Variants in PIK3R6 observed in about 807,000 individuals in gnomAD.
The protein encoded by PIK3R6 is phosphoinositide 3-kinase regulatory subunit 6.
In PIK3R6, 91 loss-of-function variants were observed where a neutral mutation model predicts 84.9. The ratio of observed to expected loss-of-function variants is 1.07; its 90% CI spans 0.90 to 1.28. PIK3R6 has a LOEUF of 1.28. Ranked by LOEUF, PIK3R6 falls within the 50% of genes most tolerant of loss-of-function variation. PIK3R6 has a pLI of 0.00. For synonymous variants in PIK3R6, 416 were observed against 411.4 expected (o/e 1.01, Z -0.13); for missense variants, 996 against 985.1 (o/e 1.01, Z -0.15).
intron 18 of PIK3R6, among the ~76,000 whole-genome samples, chr17:8,813,866 G>A (rs1046985934): frequency 2.0e-5 from 3 of 152,192 alleles, no homozygotes; most frequent in East Asian, 1.9e-4. Context: ...GATGCCCACC[G>A]TCACTACTCC....
Position 8,822,570 on chromosome 17 carries a change from C to A in PIK3R6, c.1788+17G>T. ...GTACCTCTTGGCTACCTACTGACCACGTCCATGCACACTGACCTTCTGGTA... is the reference window on the plus strand; with the variant it reads ...GTACCTCTTGGCTACCTACTGACCAAGTCCATGCACACTGACCTTCTGGTA... On this transcript the variant is annotated intron_variant, in intron 16 of 19. Coordinates refer to ENST00000619866, the MANE Select transcript of PIK3R6 (RefSeq NM_001010855.4). 6.2e-7 allele frequency: 1 copy of A among 1,613,642 alleles called. No homozygotes were observed. Among genetic ancestry groups the A allele is most frequent in the Non-Finnish European group, 8.5e-7 (1 of 1,179,564 alleles).
rs141897612 is a variant in PIK3R6, at chr17:8,844,763, T to C, written c.13+5019A>G. Among the ~76,000 whole-genome samples the C allele has an allele frequency of 1.3e-3, 202 of 152,216 alleles. 1 individual carries two copies. The East Asian group carries it at 0.028, about 21-fold the overall frequency. ...TGAGTACTGTTACTAATAATAGTAC[T>C]ACTCATATGAGTAGTACTAGTACCC... On this transcript the variant is annotated intron_variant, in intron 2 of 19. Transcript: ENST00000619866. This position sits in a 1 kb window ranked among gnomAD's most constrained non-coding sequence, Gnocchi z 4.5.
intron 18 of PIK3R6, among the ~76,000 whole-genome samples, chr17:8,814,289 G>A (rs557003361): frequency 9.1e-5 from 13 of 142,930 alleles, no homozygotes; most frequent in South Asian, 6.7e-4. Context: ...GCGTGATCTC[G>A]GCTCACTGCA....
At position 8,836,595 on chromosome 17, in the gene PIK3R6, A is replaced by G. The variant is rs2088475534; in HGVS notation, c.413T>C (p.Val138Ala). The G allele has an allele frequency of 6.2e-7, 1 of 1,613,882 alleles. No individual in the cohort carries two copies. Residue 138 changes from valine (V) to alanine (A), a missense_variant, in exon 7 of 20, where the codon GTC becomes GCC. Val to Ala is a moderately conservative substitution (Grantham distance 64). Transcript: ENST00000619866. The part of the protein sequence containing the change: ...AVPGTLYQRM[V>A]IAEQNLTNEL... ...ATTCGTCAAGTTCTGTTCGGCAATG[A>G]CCATCCTTTGGTACAGTGTCCCTGC... is the stretch of plus-strand genomic sequence containing the variant.
intron 18 of PIK3R6, among the ~76,000 whole-genome samples, chr17:8,808,722 T>C (rs988525305): frequency 6.6e-6 from 1 of 152,124 alleles, no homozygotes; most frequent in African/African-American, 2.4e-5. Context: ...ACTAAATCCT[T>C]GTGAGTTTGA....
chr17:8,829,690 C>A lies in PIK3R6; in HGVS notation c.889+16G>T. On this transcript the variant is annotated intron_variant, in intron 10 of 19. Coordinates refer to ENST00000619866, the MANE Select transcript of PIK3R6 (RefSeq NM_001010855.4). ...GACATATACCACTGTTTCCAGACAGCTCCATGGGCACGTACAGAGCTGCTC... is the reference window on the plus strand; with the variant it reads ...GACATATACCACTGTTTCCAGACAGATCCATGGGCACGTACAGAGCTGCTC... The A allele has an allele frequency of 6.5e-7, 1 of 1,549,970 alleles. No individual in the cohort carries two copies. Among genetic ancestry groups the A allele is most frequent in the Non-Finnish European group, 8.7e-7 (1 of 1,145,664 alleles).
intron 10 of PIK3R6, 100 bp from the exon 11 acceptor site, chr17:8,829,090 CACAG>C (rs763816339): frequency 9.1e-5 from 102 of 1,119,818 alleles, no homozygotes; most frequent in African/African-American, 8.5e-4. Context: ...CACACAGAAA[CACAG>C]ACAGACACAT....
At chr17:8,856,495 G>C (rs1312439257) in intron 1 of PIK3R6, among the ~76,000 whole-genome samples, 4 of 152,180 alleles carry the variant, frequency 2.6e-5, no homozygotes, top group African/African-American at 9.7e-5. Flanking sequence ...CCAGCTACCC[G>C]GGAGGCTGAA....
At chr17:8,843,075 C>T (rs1053111345) in intron 2 of PIK3R6, among the ~76,000 whole-genome samples, 1 of 152,174 alleles carries the variant, frequency 6.6e-6, no homozygotes, top group Non-Finnish European at 1.5e-5. Context: ...CAGGATACTA[C>T]AGCCACATCT....
At chr17:8,829,574 A>G (rs2088145338) in intron 10 of PIK3R6, 132 bp downstream of exon 10, 2 of 963,290 alleles carry the variant, frequency 2.1e-6, no homozygotes, top group Non-Finnish European at 3.1e-6. Context: ...ACATACACAC[A>G]CAGACACACT....
chr17:8,822,722 C>A, intron 15 of PIK3R6, 65 bp from the exon 16 acceptor site: 1 of 1,508,962 alleles, frequency 6.6e-7, no homozygotes. Context: ...ACTTCCCCAC[C>A]TCTCTGAGGG....
rs149805071 is a variant in PIK3R6, at chr17:8,853,174, C to T, written c.-91-3289G>A. Reference sequence around the variant, plus strand: ...GAAGATACAATACCATTTACAATAGCTCCAAATTTTTTTTTTAAATAAATA... The same window carrying T: ...GAAGATACAATACCATTTACAATAGTTCCAAATTTTTTTTTTAAATAAATA... On this transcript the variant is annotated intron_variant, in intron 1 of 19. Coordinates refer to ENST00000619866, the MANE Select transcript of PIK3R6 (RefSeq NM_001010855.4). Among the ~76,000 whole-genome samples the T allele has an allele frequency of 6.6e-3, 941 of 142,544 alleles. 6 individuals are homozygous for T. The highest frequency in any genetic ancestry group is 0.022 in the African/African-American group (891 of 39,984). The allele number at this position is 142,544 out of a possible 152,430, so 93.5% of individuals were successfully genotyped here. A position where few individuals can be genotyped will look rare whatever the true frequency, so the allele number is the denominator to read the frequency against.
At chr17:8,843,095 G>C (rs576734660) in intron 2 of PIK3R6, among the ~76,000 whole-genome samples, 67 of 152,174 alleles carry the variant, frequency 4.4e-4, no homozygotes, top group African/African-American at 1.6e-3. Context: ...TGCCCACCTG[G>C]TCCCTCTGCT....
At chr17:8,849,428 A>C (rs2088889924) in intron 2 of PIK3R6, among the ~76,000 whole-genome samples, 2 of 152,228 alleles carry the variant, frequency 1.3e-5, no homozygotes, top group African/African-American at 2.4e-5. Flanking sequence ...GAGGTTAACC[A>C]AGACTAAATG....
In PIK3R6 at chr17:8,862,286, C is replaced by T. The variant is rs1041009565; in HGVS notation, c.-92+5243G>A. Reference sequence around the variant, plus strand: ...CCCCATTACCTGACACTGTTTATACCACATGGAAGGCCCTTGATAAATATG... The same window carrying T: ...CCCCATTACCTGACACTGTTTATACTACATGGAAGGCCCTTGATAAATATG... On this transcript the variant is annotated intron_variant, in intron 1 of 19. Coordinates refer to ENST00000619866, the MANE Select transcript of PIK3R6 (RefSeq NM_001010855.4). The surrounding 1 kb of genome is among the most constrained non-coding windows in gnomAD (Gnocchi z 4.3). Among the ~76,000 whole-genome samples, 7 of 152,148 alleles carry T rather than the reference C, an allele frequency of 4.6e-5. No individual in the cohort carries two copies. Among genetic ancestry groups the T allele is most frequent in the Non-Finnish European group, 1.0e-4 (7 of 68,034 alleles).
chr17:8,843,086 G>T (rs944821314), intron 2 of PIK3R6, among the ~76,000 whole-genome samples: 1 of 152,106 alleles, frequency 6.6e-6, no homozygotes, highest in Admixed American at 6.5e-5. Flanking sequence ...AGCCACATCT[G>T]CCCACCTGGT....
chr17:8,805,246 T>G (rs2087796793), intron 18 of PIK3R6, among the ~76,000 whole-genome samples: 1 of 152,218 alleles, frequency 6.6e-6, no homozygotes, highest in South Asian at 2.1e-4. Flanking sequence ...AATCTCTCTG[T>G]GCTACCTTTT....
chr17:8,856,725 C>T (rs1378008243), intron 1 of PIK3R6, among the ~76,000 whole-genome samples: 1 of 152,004 alleles, frequency 6.6e-6, no homozygotes, highest in Non-Finnish European at 1.5e-5. Context: ...CACTAAACTA[C>T]AAAAAAAGTG....
rs2088047829 is a variant in PIK3R6, at chr17:8,828,820, G to A, written c.1060C>T (p.Pro354Ser). 1.9e-6 allele frequency: 3 copies of A among 1,590,840 alleles called. No homozygotes were observed. The highest frequency in any genetic ancestry group is 8.6e-7 in the Non-Finnish European group (1 of 1,167,238). Reference protein sequence around the residue: ...RDLPTGADELPAPGSPEMERA... With the variant: ...RDLPTGADELSAPGSPEMERA... ...TCCATCTCAGGGCTGCCGGGTGCAG[G>A]CAGCTCATCAGCCCCCGTGGGAAGG... Residue 354 changes from proline to serine, a missense_variant, in exon 11 of 20, where the codon CCT (proline) becomes TCT (serine). Physicochemically the swap from Pro to Ser is moderately conservative, Grantham distance 74. Transcript: ENST00000619866.
Sources: allele counts gnomAD v4.1 joint callset (sites outside exome capture counted in the v4.1 genomes callset), GRCh38; gene constraint gnomAD v4.1.1; non-coding constraint Gnocchi (gnomAD v3.1); transcripts MANE v1.5; gene names NCBI Gene and HGNC (gene_info 2026-07-23, HGNC 2026-07-21).